The following TENM2 variants were observed in gnomAD, a reference collection of about 807,000 sequenced individuals.
TENM2 encodes teneurin transmembrane protein 2, also known as teneurin-2.
Under a neutral mutation model 245.2 loss-of-function variants are expected in TENM2, and 52 were observed. The ratio of observed to expected loss-of-function variants is 0.21; its 90% confidence interval spans 0.17 to 0.27. The LOEUF (loss-of-function observed/expected upper bound fraction) is 0.27. TENM2 is among the 10% of genes least tolerant of loss of function. The pLI is 1.00. For missense variants in TENM2, 3,046 were observed against 3,666.8 expected, an observed-to-expected ratio of 0.83 and a Z score of 4.37; for synonymous variants, 1,363 against 1,438.9, an observed-to-expected ratio of 0.95 and a Z score of 1.19.
chr5:167,895,895 A>T (rs1775177271), intron 3 of TENM2, among the ~76,000 whole-genome samples: 2 of 152,236 alleles, frequency 1.3e-5, no homozygotes, highest in African/African-American at 2.4e-5. Flanking sequence ...TCAACAATTC[A>T]TTTCAATTCC....
chr5:168,193,174 G>A lies in TENM2; in HGVS notation c.2781-2002G>A, dbSNP rs561565844. 1.5e-3 allele frequency among the ~76,000 whole-genome samples: 231 copies of A among 152,318 alleles called. 1 individual carries two copies. Among genetic ancestry groups the A allele is most frequent in the African/African-American group, 5.1e-3 (214 of 41,562 alleles). ...TTCCCAAATGAGCCCAGGCTCTCCG[G>A]CTGTCTGCATGGATACATAATTCAG... On this transcript the variant is annotated intron_variant, in intron 14 of 28. Transcript: ENST00000518659.
intron 2 of TENM2, among the ~76,000 whole-genome samples, chr5:167,638,801 T>A (rs540967217): frequency 6.6e-6 from 1 of 152,280 alleles, no homozygotes; most frequent in East Asian, 1.9e-4. Flanking sequence ...TTCTGCAAAG[T>A]GTGTGAAAAT....
intron 5 of TENM2, among the ~76,000 whole-genome samples, chr5:167,993,580 T>C (rs1783831500): frequency 1.3e-5 from 2 of 152,152 alleles, no homozygotes; most frequent in African/African-American, 4.8e-5. Context: ...AAAAACTGAA[T>C]TGAAGAATAG....
chr5:167,582,168 G>A (rs543832952), intron 2 of TENM2, among the ~76,000 whole-genome samples: 4 of 152,282 alleles, frequency 2.6e-5, no homozygotes, highest in Non-Finnish European at 4.4e-5. Context: ...ACAGACCAAA[G>A]ATAGGATTAG....
intron 3 of TENM2, among the ~76,000 whole-genome samples, chr5:167,893,042 C>T (rs368826142): frequency 5.3e-5 from 8 of 152,122 alleles, no homozygotes; most frequent in African/African-American, 7.2e-5. Flanking sequence ...ATTTTGCTGG[C>T]GGCAATGTGG....
At chr5:167,746,675 C>CAGAGAG (rs57973052) in intron 2 of TENM2, among the ~76,000 whole-genome samples, 25,321 of 116,844 alleles carry the variant, frequency 0.22, 3,295 homozygotes, top group Non-Finnish European at 0.26. Flanking sequence ...AAATTACCAA[C>CAGAGAG]AGAGAGAGAG....
At chr5:167,635,343 T>C (rs1417213009) in intron 2 of TENM2, among the ~76,000 whole-genome samples, 1 of 152,182 alleles carries the variant, frequency 6.6e-6, no homozygotes, top group Admixed American at 6.5e-5. Flanking sequence ...CAGTTTGTTT[T>C]TTCCTTCTCT....
chr5:167,439,428 A>G (rs1217947499), intron 2 of TENM2, among the ~76,000 whole-genome samples: 1 of 152,172 alleles, frequency 6.6e-6, no homozygotes, highest in East Asian at 1.9e-4. Flanking sequence ...AAACATCTCA[A>G]ATCGAATCCT....
chr5:167,775,173 G>T (rs187494702), intron 2 of TENM2, among the ~76,000 whole-genome samples: 359 of 152,154 alleles, frequency 2.4e-3, no homozygotes, highest in Admixed American at 4.1e-3. Flanking sequence ...TCTCCATGTT[G>T]GCCAGGCTGG....
chr5:168,150,162 T>C (rs1360021521), intron 12 of TENM2, among the ~76,000 whole-genome samples: 1 of 137,618 alleles, frequency 7.3e-6, no homozygotes, highest in Non-Finnish European at 1.5e-5. Context: ...AGAACAAGAC[T>C]TTGTCTCTTT....
At chr5:167,438,207 C>CT in intron 2 of TENM2, among the ~76,000 whole-genome samples, 1 of 152,200 alleles carries the variant, frequency 6.6e-6, no homozygotes, top group African/African-American at 2.4e-5. Flanking sequence ...GAACTATGTA[C>CT]TTTTTTCCGC....
intron 2 of TENM2, among the ~76,000 whole-genome samples, chr5:167,428,264 A>G (rs1315600273): frequency 6.6e-6 from 1 of 152,222 alleles, no homozygotes; most frequent in Non-Finnish European, 1.5e-5. Context: ...ATGAATCTAA[A>G]TTGCTTCTAA....
chr5:167,409,154 C>G (rs1224064287), intron 2 of TENM2, among the ~76,000 whole-genome samples: 1 of 151,758 alleles, frequency 6.6e-6, no homozygotes, highest in Non-Finnish European at 1.5e-5. Context: ...AGAAACTGAG[C>G]AATGTCACTT....
At chr5:166,984,768 A>G in the TENM2 span, among the ~76,000 whole-genome samples, 2 of 152,150 alleles carry the variant, frequency 1.3e-5, no homozygotes, top group Non-Finnish European at 2.9e-5. Context: ...TTATTGCTAG[A>G]TAACTCCTTG....
rs151261684 is a variant in TENM2 at position 167,354,690 on chromosome 5, G to A, written c.227-20508G>A. Among the ~76,000 whole-genome samples, 124 of 152,244 alleles carry A rather than the reference G, an allele frequency of 8.1e-4. 1 individual carries two copies. Among genetic ancestry groups the A allele is most frequent in the African/African-American group, 2.2e-3 (90 of 41,532 alleles). On this transcript the variant is annotated intron_variant, in intron 1 of 28. Coordinates refer to ENST00000518659, the Ensembl canonical transcript of TENM2. ...TGAATTGAAGTTTCCCCACCTACTC[G>A]TTATGTGGCCTTAGGAATATTATTT...
chr5:167,884,796 A>C (rs915585370), intron 3 of TENM2, among the ~76,000 whole-genome samples: 1 of 152,190 alleles, frequency 6.6e-6, no homozygotes, highest in African/African-American at 2.4e-5. Context: ...TGAATCATAC[A>C]GTAATTCTAT....
the TENM2 span, among the ~76,000 whole-genome samples, chr5:167,188,684 G>A: frequency 6.6e-6 from 1 of 152,108 alleles, no homozygotes; most frequent in Non-Finnish European, 1.5e-5. Flanking sequence ...GATTGTTCCT[G>A]ATGAAAATAA....
rs10535717 is a variant in TENM2 at position 167,971,700 on chromosome 5, A to AAAAC, written c.947+18894_947+18897dup. On this transcript the variant is annotated intron_variant, in intron 4 of 28. Transcript: ENST00000518659. ...TGGGTGACAGAGTGAGACTCCATCTAAAACAAACAAACAAACAAAACAAAA... is the reference window on the plus strand; with the variant it reads ...TGGGTGACAGAGTGAGACTCCATCTAAAACAAACAAACAAACAAACAAAACAAAA... 9.9e-5 allele frequency among the ~76,000 whole-genome samples: 15 copies of AAAAC among 151,038 alleles called. No homozygotes were observed. In the East Asian group the frequency reaches 2.6e-3, roughly 26 times the overall value.
chr5:168,240,438 C>T (rs1562323518), intron 25 of TENM2, among the ~76,000 whole-genome samples: 1 of 152,186 alleles, frequency 6.6e-6, no homozygotes, highest in Non-Finnish European at 1.5e-5. Flanking sequence ...AGCTCTACCA[C>T]TGAGTATTTA....
Sources: gnomAD v4.1 joint callset for allele counts (sites outside exome capture counted in the v4.1 genomes callset) on GRCh38, gnomAD v4.1.1 for gene constraint, MANE v1.5 for transcripts, NCBI Gene and HGNC (gene_info 2026-07-23, HGNC 2026-07-21) for gene names.